The following SPHKAP variants were observed in gnomAD, a reference collection of about 807,000 sequenced individuals.
The protein encoded by SPHKAP is SPHK1 interactor, AKAP domain containing, also known as A-kinase anchor protein SPHKAP.
SPHKAP carries 67 observed loss-of-function variants against 137.5 expected under a neutral mutation model. That is an observed-to-expected ratio of 0.49 (90% CI 0.40 to 0.60). The LOEUF (loss-of-function observed/expected upper bound fraction) is 0.60, where lower values mean the gene tolerates loss of function less well. Among genes scored for constraint, SPHKAP ranks in the 20% least tolerant of loss-of-function variants. The probability of loss-of-function intolerance (pLI) is 0.00; values close to 1 mark genes in which losing one functional copy is unlikely to be tolerated. For synonymous variants in SPHKAP, 813 were observed against 785.3 expected (o/e 1.04, Z -0.59); for missense variants, 2,097 against 2,069.3 (o/e 1.01, Z -0.26).
chr2:228,092,126 C>A (rs1382793015), intron 3 of SPHKAP, among the ~76,000 whole-genome samples: 2 of 75,550 alleles, frequency 2.6e-5, no homozygotes, highest in African/African-American at 1.0e-4. Flanking sequence ...TATACATATA[C>A]GTATATGTGT....
chr2:228,113,903 G>C (rs1698613664), intron 2 of SPHKAP, among the ~76,000 whole-genome samples: 1 of 152,040 alleles, frequency 6.6e-6, no homozygotes, highest in South Asian at 2.1e-4. Flanking sequence ...GCAGACTTCA[G>C]TAAACCACTT....
intron 3 of SPHKAP, among the ~76,000 whole-genome samples, chr2:228,087,219 A>C (rs1463484418): frequency 1.3e-5 from 2 of 152,196 alleles, no homozygotes; most frequent in Non-Finnish European, 2.9e-5. Flanking sequence ...TTCACACTGC[A>C]TTGGGGAAAT....
chr2:228,015,199 C>T (rs1246803339), intron 7 of SPHKAP, among the ~76,000 whole-genome samples: 6 of 150,420 alleles, frequency 4.0e-5, no homozygotes, highest in Admixed American at 6.6e-5. Context: ...CGATAGTTTA[C>T]TGAGAATGAT....
rs142564820 is a variant in SPHKAP, at chr2:227,984,853, C to G, written c.4960-2993G>C. On this transcript the variant is annotated intron_variant, in intron 11 of 11. Coordinates refer to ENST00000392056, the MANE Select transcript of SPHKAP (RefSeq NM_001142644.2). ...CCCCAGTAGTCTTGGTGCCTCCTTT[C>G]ACTTAGCAAGTCTGTAAAGATTCCA... is the stretch of plus-strand genomic sequence containing the variant. 3.6e-3 allele frequency among the ~76,000 whole-genome samples: 554 copies of G among 152,242 alleles called. 2 individuals are homozygous for G. The highest frequency in any genetic ancestry group is 0.013 in the African/African-American group (521 of 41,550).
chr2:228,153,793 C>T (rs752756269), intron 1 of SPHKAP, among the ~76,000 whole-genome samples: 1 of 151,988 alleles, frequency 6.6e-6, no homozygotes, highest in Non-Finnish European at 1.5e-5. Flanking sequence ...ATTTCTGGAA[C>T]AGAAATTCAC....
At chr2:228,012,934 T>C (rs953714111) in intron 7 of SPHKAP, among the ~76,000 whole-genome samples, 3 of 152,204 alleles carry the variant, frequency 2.0e-5, no homozygotes, top group African/African-American at 7.2e-5. Context: ...TTTATTTCAG[T>C]ATATTGAGCG....
intron 3 of SPHKAP, among the ~76,000 whole-genome samples, chr2:228,034,192 G>C (rs1382129193): frequency 1.3e-5 from 2 of 152,098 alleles, no homozygotes; most frequent in Non-Finnish European, 2.9e-5. Flanking sequence ...AAATGATAAA[G>C]GTGATATCAC....
At chr2:228,135,678 T>G (rs1336455289) in intron 1 of SPHKAP, among the ~76,000 whole-genome samples, 1 of 152,206 alleles carries the variant, frequency 6.6e-6, no homozygotes, top group Non-Finnish European at 1.5e-5. Flanking sequence ...TGCCATTTGT[T>G]CTAATGCTAA....
At position 228,016,616 on chromosome 2, in the gene SPHKAP, G is replaced by T. The variant is rs770092990; in HGVS notation, c.4238C>A (p.Pro1413Gln). The change falls in exon 7 of 12, where the codon CCA (proline) becomes CAA (glutamine). Residue 1413 changes from proline (P) to glutamine (Q), a missense_variant. Transcript: ENST00000392056. ...KETSSCQDPV[P>Q]INHKRRSLCS... The stretch of plus-strand genomic sequence containing the variant: ...AAGTGATCGCCTTTTGTGGTTTATT[G>T]GTACAGGGTCCTGGCACGAGGAAGT... The T allele has an allele frequency of 1.2e-6, 2 of 1,613,720 alleles. No homozygotes were observed. The highest frequency in any genetic ancestry group is 3.3e-5 in the Admixed American group (2 of 59,926).
chr2:228,167,466 T>C (rs1700453018), intron 1 of SPHKAP, among the ~76,000 whole-genome samples: 1 of 152,172 alleles, frequency 6.6e-6, no homozygotes, highest in Non-Finnish European at 1.5e-5. Flanking sequence ...AAATTAAAAA[T>C]ATTCAGGATA....
rs1465515180 is a variant in SPHKAP, at chr2:228,019,897, G to A, written c.957C>T (p.Ala319=). Residue 319 remains alanine (A), a synonymous_variant, in exon 7 of 12, where the codon GCC becomes GCT. Coordinates refer to ENST00000392056, the MANE Select transcript of SPHKAP (RefSeq NM_001142644.2). ...AAGCTTCTGAATGATAATAATGTGT[G>A]GCTTGTCTCCCATTCCCCACAGCTT... ...KREAVGNGRQ[A]THYYHSEAFK... 1.9e-6 allele frequency: 3 copies of A among 1,614,196 alleles called. No individual in the cohort carries two copies. Among genetic ancestry groups the A allele is most frequent in the South Asian group, 2.2e-5 (2 of 91,082 alleles).
At chr2:228,131,610 G>T (rs1362486317) in intron 2 of SPHKAP, 1 of 253,062 alleles carries the variant, frequency 4.0e-6, no homozygotes, top group Admixed American at 6.5e-5. Flanking sequence ...CAGCCCTAAA[G>T]TTTTCTTAGA....
chr2:228,094,620 C>G (rs1407366318), intron 3 of SPHKAP, among the ~76,000 whole-genome samples: 1 of 152,008 alleles, frequency 6.6e-6, no homozygotes, highest in African/African-American at 2.4e-5. Flanking sequence ...TGGCATTTTG[C>G]GTGCCGTTTA....
rs374810338 is a variant in SPHKAP at position 228,016,973 on chromosome 2, C to T, written c.3881G>A (p.Arg1294Gln). ...GGTGATGTGGTCAGTCCCACCTCTC[C>T]GATACAAGCAAGAGTCAGATTTGCA... ...GLCKSDSCLY[R>Q]RGGTDHITNM... The change falls in exon 7 of 12, where the codon CGG becomes CAG. Residue 1294 changes from arginine to glutamine, a missense_variant. Coordinates refer to ENST00000392056, the MANE Select transcript of SPHKAP (RefSeq NM_001142644.2). 47 of 1,613,952 alleles carry T rather than the reference C, an allele frequency of 2.9e-5. No individual in the cohort carries two copies. Among genetic ancestry groups the T allele is most frequent in the Non-Finnish European group, 3.7e-5 (44 of 1,180,012 alleles).
Position 228,181,185 on chromosome 2 carries a change from G to GT in SPHKAP, c.32+381dup, listed in dbSNP as rs766198236. On this transcript the variant is annotated intron_variant, in intron 1 of 11. Transcript: ENST00000392056. This position sits in a 1 kb window ranked among gnomAD's most constrained non-coding sequence, Gnocchi z 4.3. ...CTTTGCCCTAGCCCGGTTCCCTCCT[G>GT]TTTTAGACCTTGGAATCTGTCTCTC... is the stretch of plus-strand genomic sequence containing the variant. 3.3e-5 allele frequency among the ~76,000 whole-genome samples: 5 copies of GT among 152,136 alleles called. No individual in the cohort carries two copies. Among genetic ancestry groups the GT allele is most frequent in the Non-Finnish European group, 7.4e-5 (5 of 68,016 alleles).
intron 1 of SPHKAP, among the ~76,000 whole-genome samples, chr2:228,139,520 A>G (rs765999387): frequency 6.6e-6 from 1 of 152,224 alleles, no homozygotes; most frequent in Non-Finnish European, 1.5e-5. Flanking sequence ...TCTCTCATTA[A>G]GAAGACAATA....
At chr2:228,065,842 C>A (rs1264239053) in intron 3 of SPHKAP, among the ~76,000 whole-genome samples, 1 of 152,228 alleles carries the variant, frequency 6.6e-6, no homozygotes, top group Non-Finnish European at 1.5e-5. Context: ...TAGGATGAAT[C>A]CTTCACTGAG....
chr2:228,116,579 A>G (rs371886447), intron 2 of SPHKAP, among the ~76,000 whole-genome samples: 1 of 152,138 alleles, frequency 6.6e-6, no homozygotes, highest in Non-Finnish European at 1.5e-5. Context: ...ACTTCAATTG[A>G]CTAACTGATC....
chr2:228,174,357 A>G lies in SPHKAP; in HGVS notation c.32+7210T>C, dbSNP rs117628159. Among the ~76,000 whole-genome samples the G allele has an allele frequency of 8.3e-4, 126 of 151,976 alleles. 2 individuals carry two copies. In the East Asian group the frequency reaches 0.022, roughly 26 times the overall value. ...ACGTTCTCAGAATTTGGGGTGAAAAATGTCTGAAATAAACAAAGCTATGTG... is the reference window on the plus strand; with the variant it reads ...ACGTTCTCAGAATTTGGGGTGAAAAGTGTCTGAAATAAACAAAGCTATGTG... On this transcript the variant is annotated intron_variant, in intron 1 of 11. Transcript: ENST00000392056.
Sources: allele counts gnomAD v4.1 joint callset (sites outside exome capture counted in the v4.1 genomes callset), GRCh38; gene constraint gnomAD v4.1.1; non-coding constraint Gnocchi (gnomAD v3.1); transcripts MANE v1.5; gene names NCBI Gene and HGNC (gene_info 2026-07-23, HGNC 2026-07-21).